Variants in HPSE2 observed in about 807,000 individuals in gnomAD.
The protein encoded by HPSE2 is heparanase 2 (inactive), also known as inactive heparanase-2.
A neutral mutation model predicts 60.5 loss-of-function variants in HPSE2; 38 were observed. The ratio of observed to expected loss-of-function variants is 0.63; its 90% CI spans 0.48 to 0.82. HPSE2 has a LOEUF of 0.82. HPSE2 is among the 40% of genes least tolerant of loss of function. HPSE2 has a pLI of 0.00. For synonymous variants in HPSE2, 295 were observed against 293.2 expected, an observed-to-expected ratio of 1.01 and a Z score of -0.06; for missense variants, 713 against 740.4, an observed-to-expected ratio of 0.96 and a Z score of 0.43.
the HPSE2 span, among the ~76,000 whole-genome samples, chr10:99,306,594 T>C: frequency 6.6e-6 from 1 of 152,080 alleles, no homozygotes; most frequent in Non-Finnish European, 1.5e-5. Flanking sequence ...AAATGTTGGG[T>C]GGAGTGTGTT....
chr10:99,045,180 G>A (rs1957827788), intron 3 of HPSE2, among the ~76,000 whole-genome samples: 1 of 152,008 alleles, frequency 6.6e-6, no homozygotes, highest in South Asian at 2.1e-4. Context: ...GGACCACAGT[G>A]CAATAAAAAC....
intron 11 of HPSE2, among the ~76,000 whole-genome samples, chr10:98,463,163 C>A (rs1329972590): frequency 6.6e-6 from 1 of 152,134 alleles, no homozygotes; most frequent in Non-Finnish European, 1.5e-5. Context: ...TGCCTCCTAA[C>A]CTATCTCTGT....
chr10:98,931,361 G>T (rs1954636042), intron 3 of HPSE2, among the ~76,000 whole-genome samples: 1 of 143,936 alleles, frequency 6.9e-6, no homozygotes, highest in Non-Finnish European at 1.5e-5. Context: ...ATGCTATTTT[G>T]GTTACTATGG....
chr10:98,908,950 T>A (rs1304525244), intron 3 of HPSE2, among the ~76,000 whole-genome samples: 1 of 152,090 alleles, frequency 6.6e-6, no homozygotes, highest in Non-Finnish European at 1.5e-5. Flanking sequence ...CCCCTGGCCA[T>A]GTAACTGAAT....
chr10:99,073,837 C>T (rs926522939), intron 3 of HPSE2, among the ~76,000 whole-genome samples: 17 of 151,636 alleles, frequency 1.1e-4, no homozygotes, highest in Middle Eastern at 3.5e-3. Flanking sequence ...TTTCTTAATA[C>T]CTTTTTGGAT....
intron 9 of HPSE2, among the ~76,000 whole-genome samples, chr10:98,520,877 C>G (rs1942768783): frequency 6.6e-6 from 1 of 152,076 alleles, no homozygotes; most frequent in South Asian, 2.1e-4. Flanking sequence ...CTGACAAAAA[C>G]AAGAAATGGG....
intron 10 of HPSE2, among the ~76,000 whole-genome samples, chr10:98,483,364 T>A (rs1035402076): frequency 6.6e-6 from 1 of 152,222 alleles, no homozygotes; most frequent in Non-Finnish European, 1.5e-5. Context: ...TTTTCAATCA[T>A]AGAAGTGTAA....
chr10:98,616,383 G>A (rs769734046), intron 8 of HPSE2, among the ~76,000 whole-genome samples: 4 of 152,114 alleles, frequency 2.6e-5, no homozygotes, highest in Non-Finnish European at 5.9e-5. Flanking sequence ...CTGTTGACTT[G>A]AAATCTGTCT....
At chr10:98,679,999 T>C (rs1947744429) in intron 6 of HPSE2, among the ~76,000 whole-genome samples, 1 of 152,170 alleles carries the variant, frequency 6.6e-6, no homozygotes. Context: ...TCCAATAACA[T>C]TGAAACATTT....
chr10:99,139,883 C>G (rs1474128402), intron 3 of HPSE2, among the ~76,000 whole-genome samples: 1 of 152,178 alleles, frequency 6.6e-6, no homozygotes, highest in Non-Finnish European at 1.5e-5. Flanking sequence ...ACAACCCAAA[C>G]TCCTGGATCG....
intron 9 of HPSE2, among the ~76,000 whole-genome samples, chr10:98,610,658 A>G (rs1450560342): frequency 1.3e-5 from 2 of 152,214 alleles, no homozygotes; most frequent in Admixed American, 6.5e-5. Context: ...AGGCAATCCA[A>G]TGTGATCTAG....
At chr10:98,862,321 C>T (rs2134783619) in intron 3 of HPSE2, among the ~76,000 whole-genome samples, 1 of 152,232 alleles carries the variant, frequency 6.6e-6, no homozygotes, top group South Asian at 2.1e-4. Context: ...CTCATATATT[C>T]CAAGTATCAG....
chr10:98,526,957 C>T (rs1942985368), intron 9 of HPSE2, among the ~76,000 whole-genome samples: 1 of 152,068 alleles, frequency 6.6e-6, no homozygotes, highest in Admixed American at 6.6e-5. Context: ...TTAAAGGGAC[C>T]TCAAACCCAC....
At chr10:99,314,693 T>C in the HPSE2 span, among the ~76,000 whole-genome samples, 1 of 152,220 alleles carries the variant, frequency 6.6e-6, no homozygotes, top group Admixed American at 6.5e-5. Flanking sequence ...TGTGCACTTA[T>C]AATAGTATTA....
intron 9 of HPSE2, among the ~76,000 whole-genome samples, chr10:98,506,763 C>T (rs1167183192): frequency 2.0e-5 from 3 of 152,210 alleles, no homozygotes; most frequent in African/African-American, 7.2e-5. Context: ...TGAACCCGGC[C>T]TGATTTTCCG....
chr10:98,856,995 C>G (rs1952334094), intron 3 of HPSE2, among the ~76,000 whole-genome samples: 1 of 152,182 alleles, frequency 6.6e-6, no homozygotes, highest in Non-Finnish European at 1.5e-5. Context: ...TCTCCTCTAT[C>G]ACTTCCTCAC....
At chr10:98,841,702 G>A (rs1257387200) in intron 3 of HPSE2, among the ~76,000 whole-genome samples, 2 of 152,006 alleles carry the variant, frequency 1.3e-5, no homozygotes, top group African/African-American at 4.8e-5. Flanking sequence ...TAATTTTACT[G>A]TATATGCTAA....
At position 98,747,169 on chromosome 10, in the gene HPSE2, A is replaced by G. The variant is rs563109246; in HGVS notation, c.611-3113T>C. On this transcript the variant is annotated intron_variant, in intron 3 of 11. Transcript: ENST00000370552. ...CATGAAAGTTATATTATCATAAAAA[A>G]TACTCAATATTCAATTAAATAACAT... Among the ~76,000 whole-genome samples the G allele has an allele frequency of 3.2e-3, 490 of 152,236 alleles. 2 individuals carry two copies. Among genetic ancestry groups the G allele is most frequent in the Non-Finnish European group, 4.7e-3 (319 of 67,958 alleles).
intron 7 of HPSE2, among the ~76,000 whole-genome samples, chr10:98,633,433 C>T (rs1460672876): frequency 6.6e-6 from 1 of 152,044 alleles, no homozygotes; most frequent in Non-Finnish European, 1.5e-5. Flanking sequence ...AGGTTGGCCT[C>T]GAACTCCTGG....
Sources: allele counts gnomAD v4.1 joint callset (sites outside exome capture counted in the v4.1 genomes callset), GRCh38; gene constraint gnomAD v4.1.1; transcripts MANE v1.5; gene names NCBI Gene and HGNC (gene_info 2026-07-23, HGNC 2026-07-21).